Variants in SLC24A2 observed in about 807,000 individuals in gnomAD.
SLC24A2 encodes sodium/potassium/calcium exchanger 2.
A neutral mutation model predicts 62.0 loss-of-function variants in SLC24A2; 36 were observed. That is an observed-to-expected ratio of 0.58 (90% confidence interval 0.44 to 0.77). SLC24A2 has a LOEUF of 0.77. Ranked by LOEUF, SLC24A2 falls within the 30% of genes least tolerant of loss-of-function variation. The pLI is 0.00. For synonymous variants in SLC24A2, 358 were observed against 294.0 expected (o/e 1.22, Z -2.23); for missense variants, 846 against 817.9 (o/e 1.03, Z -0.42).
intron 7 of SLC24A2, among the ~76,000 whole-genome samples, chr9:19,554,743 A>G (rs1001136422): frequency 6.6e-6 from 1 of 152,136 alleles, no homozygotes; most frequent in Non-Finnish European, 1.5e-5. Flanking sequence ...TGGAGGGGAC[A>G]TTTTGACCAC....
rs1034440809 is a variant in SLC24A2, at chr9:19,510,265, G to T, written c.*5888C>A. On this transcript the variant is annotated 3_prime_UTR_variant, in exon 11 of 11. Coordinates refer to ENST00000341998, the MANE Select transcript of SLC24A2 (RefSeq NM_020344.4). ...TTCCATCATTTAAGAACAATATAAAGAACTTAAAAAGGCTTAGTAGAGAGG... is the reference window on the plus strand; with the variant it reads ...TTCCATCATTTAAGAACAATATAAATAACTTAAAAAGGCTTAGTAGAGAGG... 1.3e-5 allele frequency: 2 copies of T among 151,758 alleles called. No individual in the cohort carries two copies. Among genetic ancestry groups the T allele is most frequent in the African/African-American group, 4.8e-5 (2 of 41,312 alleles). The allele number at this position is 151,758 out of a possible 1,614,324, so 9.4% of individuals were successfully genotyped here.
the SLC24A2 span, among the ~76,000 whole-genome samples, chr9:20,084,652 A>G: frequency 2.5e-4 from 38 of 152,158 alleles, no homozygotes; most frequent in African/African-American, 8.9e-4. Context: ...GAGGCTGACC[A>G]TGAAAGTAGT....
chr9:20,293,995 C>T, the SLC24A2 span, among the ~76,000 whole-genome samples: 6 of 152,092 alleles, frequency 3.9e-5, no homozygotes, highest in Non-Finnish European at 8.8e-5. Context: ...CTCTGGCCAG[C>T]CCATCTTTAC....
the SLC24A2 span, among the ~76,000 whole-genome samples, chr9:20,106,512 G>T: frequency 6.6e-6 from 1 of 152,192 alleles, no homozygotes; most frequent in Admixed American, 6.5e-5. Flanking sequence ...GATCAAGTGG[G>T]CTTCATCCCT....
At chr9:20,054,264 T>A in the SLC24A2 span, among the ~76,000 whole-genome samples, 1 of 152,160 alleles carries the variant, frequency 6.6e-6, no homozygotes, top group East Asian at 1.9e-4. Context: ...TGATCTTGGC[T>A]CACTGCAACC....
At chr9:19,997,289 G>C in the SLC24A2 span, among the ~76,000 whole-genome samples, 2 of 152,120 alleles carry the variant, frequency 1.3e-5, no homozygotes, top group African/African-American at 4.8e-5. Context: ...GAAAGAGAAA[G>C]AGAAAGAGAG....
the SLC24A2 span, among the ~76,000 whole-genome samples, chr9:20,050,177 T>A: frequency 4.1e-5 from 6 of 147,676 alleles, no homozygotes; most frequent in Admixed American, 4.1e-4. Flanking sequence ...TTGAAGCTAA[T>A]TGAATCAGTG....
chr9:19,722,334 A>C (rs1406884761), intron 2 of SLC24A2, among the ~76,000 whole-genome samples: 1 of 152,140 alleles, frequency 6.6e-6, no homozygotes, highest in African/African-American at 2.4e-5. Context: ...ATAGCTGTTA[A>C]TTGAGCTGAA....
At chr9:19,739,404 G>T (rs977118307) in intron 2 of SLC24A2, among the ~76,000 whole-genome samples, 5 of 152,084 alleles carry the variant, frequency 3.3e-5, no homozygotes, top group Admixed American at 2.0e-4. Flanking sequence ...TTCTGAAGAA[G>T]AACAGAACTC....
chr9:19,994,605 G>A, the SLC24A2 span, among the ~76,000 whole-genome samples: 1 of 152,160 alleles, frequency 6.6e-6, no homozygotes, highest in Admixed American at 6.5e-5. Flanking sequence ...CTCTCAGATT[G>A]AGAGCCAGGA....
the SLC24A2 span, among the ~76,000 whole-genome samples, chr9:19,960,050 G>A: frequency 6.6e-6 from 1 of 152,182 alleles, no homozygotes; most frequent in Admixed American, 6.5e-5. Context: ...GCAAAGGCCT[G>A]CAGAAAGTGT....
intron 8 of SLC24A2, among the ~76,000 whole-genome samples, chr9:19,548,126 G>C (rs1382934308): frequency 6.6e-6 from 1 of 151,610 alleles, no homozygotes; most frequent in Non-Finnish European, 1.5e-5. Context: ...CTCTCCACTA[G>C]GCTGCATTAT....
At chr9:19,891,566 T>C in the SLC24A2 span, among the ~76,000 whole-genome samples, 2 of 152,082 alleles carry the variant, frequency 1.3e-5, no homozygotes, top group East Asian at 3.9e-4. Flanking sequence ...AGGAGGCAGA[T>C]ATGCAATGCT....
intron 2 of SLC24A2, among the ~76,000 whole-genome samples, chr9:19,698,951 G>C (rs1328706119): frequency 1.3e-5 from 2 of 152,198 alleles, no homozygotes; most frequent in Admixed American, 6.5e-5. Flanking sequence ...CACAGAGCAA[G>C]TTAGAAGGCC....
chr9:19,573,646 C>T (rs182258377), intron 6 of SLC24A2, among the ~76,000 whole-genome samples, 177 bp from the exon 7 acceptor site: 15 of 152,018 alleles, frequency 9.9e-5, no homozygotes, highest in Non-Finnish European at 1.9e-4. Flanking sequence ...GTCCCAGGGG[C>T]GATAAGGCCC....
intron 2 of SLC24A2, among the ~76,000 whole-genome samples, chr9:19,662,710 C>T (rs1017805431): frequency 6.6e-6 from 1 of 152,176 alleles, no homozygotes; most frequent in African/African-American, 2.4e-5. Context: ...GTTCTTTCCC[C>T]TTCTCTTTTG....
the SLC24A2 span, among the ~76,000 whole-genome samples, chr9:20,129,694 T>G: frequency 6.6e-6 from 1 of 152,072 alleles, no homozygotes; most frequent in South Asian, 2.1e-4. Flanking sequence ...ACAAGTTTTG[T>G]GAATTGATTT....
chr9:20,212,901 C>G, the SLC24A2 span, among the ~76,000 whole-genome samples: 1 of 151,694 alleles, frequency 6.6e-6, no homozygotes, highest in Admixed American at 6.6e-5. Flanking sequence ...AATTAATATC[C>G]TCAGCAATTC....
chr9:19,913,766 C>T, the SLC24A2 span, among the ~76,000 whole-genome samples: 1 of 152,224 alleles, frequency 6.6e-6, no homozygotes, highest in African/African-American at 2.4e-5. Context: ...AAACCATGGT[C>T]TATGACTCCA....
Sources: gnomAD v4.1 joint callset for allele counts (sites outside exome capture counted in the v4.1 genomes callset) on GRCh38, gnomAD v4.1.1 for gene constraint, MANE v1.5 for transcripts, NCBI Gene and HGNC (gene_info 2026-07-23, HGNC 2026-07-21) for gene names.